The following PDE10A variants were observed in gnomAD, a reference collection of about 807,000 sequenced individuals.
The protein encoded by PDE10A is cAMP and cAMP-inhibited cGMP 3',5'-cyclic phosphodiesterase 10A.
A neutral mutation model predicts 97.7 loss-of-function variants in PDE10A; 39 were observed. The observed-to-expected ratio is 0.40, with a 90% CI of 0.31 to 0.52. PDE10A has a LOEUF of 0.52. PDE10A is among the 20% of genes least tolerant of loss of function. PDE10A has a pLI of 0.56. For missense variants in PDE10A, 731 were observed against 1,047.8 expected (o/e 0.70, Z 4.17); for synonymous variants, 371 against 376.8 (o/e 0.98, Z 0.18).
At chr6:165,932,775 G>A (rs1233613007) in intron 1 of PDE10A, among the ~76,000 whole-genome samples, 1 of 152,204 alleles carries the variant, frequency 6.6e-6, no homozygotes, top group Non-Finnish European at 1.5e-5. Flanking sequence ...CCCGGCCTGA[G>A]CTGAACTTTT....
At chr6:165,513,613 TG>T (rs1781629346) in intron 2 of PDE10A, among the ~76,000 whole-genome samples, 2 of 151,954 alleles carry the variant, frequency 1.3e-5, no homozygotes, top group African/African-American at 4.8e-5. Context: ...TTTGAAATTA[TG>T]GATCAATTTG....
intron 1 of PDE10A, among the ~76,000 whole-genome samples, chr6:165,913,934 G>A (rs1454179799): frequency 1.3e-5 from 2 of 152,160 alleles, no homozygotes; most frequent in Non-Finnish European, 2.9e-5. Flanking sequence ...GACTTCACGC[G>A]GCCTCCACAA....
At chr6:165,367,740 C>A (rs1391692884) in intron 18 of PDE10A, among the ~76,000 whole-genome samples, 1 of 150,412 alleles carries the variant, frequency 6.6e-6, no homozygotes, top group Non-Finnish European at 1.5e-5. Context: ...CCACTAAGAA[C>A]TCTAAGTCCA....
At chr6:165,815,567 G>C (rs1171755904) in intron 1 of PDE10A, among the ~76,000 whole-genome samples, 1 of 152,150 alleles carries the variant, frequency 6.6e-6, no homozygotes, top group East Asian at 1.9e-4. Context: ...CTTGGATGAA[G>C]GGGCAGAACT....
chr6:165,755,896 T>A (rs1236194332), intron 1 of PDE10A, among the ~76,000 whole-genome samples: 2 of 152,136 alleles, frequency 1.3e-5, no homozygotes, highest in Non-Finnish European at 2.9e-5. Flanking sequence ...GGCGTATATT[T>A]CCCTGCAATT....
At chr6:165,924,832 G>A (rs1048793410) in intron 1 of PDE10A, among the ~76,000 whole-genome samples, 1 of 152,164 alleles carries the variant, frequency 6.6e-6, no homozygotes, top group Non-Finnish European at 1.5e-5. Flanking sequence ...GTAAGCATAG[G>A]AGAAGATCTT....
At chr6:165,689,867 G>A (rs1791223668) in intron 1 of PDE10A, among the ~76,000 whole-genome samples, 1 of 152,182 alleles carries the variant, frequency 6.6e-6, no homozygotes, top group South Asian at 2.1e-4. Flanking sequence ...CTCAGAGAAT[G>A]TTCATACCCT....
At chr6:165,808,895 A>G (rs1327226173) in intron 1 of PDE10A, among the ~76,000 whole-genome samples, 1 of 152,232 alleles carries the variant, frequency 6.6e-6, no homozygotes, top group Non-Finnish European at 1.5e-5. Flanking sequence ...GAAGTAAAAG[A>G]GATCTTTCCT....
chr6:165,337,850 G>A (rs1286029710), intron 20 of PDE10A, among the ~76,000 whole-genome samples: 1 of 152,114 alleles, frequency 6.6e-6, no homozygotes, highest in Non-Finnish European at 1.5e-5. Flanking sequence ...AGAAATTGTA[G>A]ATCCCTATCT....
intron 1 of PDE10A, among the ~76,000 whole-genome samples, chr6:165,788,775 C>T (rs915761722): frequency 2.6e-5 from 4 of 152,030 alleles, no homozygotes; most frequent in Non-Finnish European, 5.9e-5. Flanking sequence ...ATTTTCTATT[C>T]CATAATCTAT....
chr6:165,985,691 G>A (rs1364269360), intron 1 of PDE10A, among the ~76,000 whole-genome samples: 1 of 152,018 alleles, frequency 6.6e-6, no homozygotes, highest in Non-Finnish European at 1.5e-5. Context: ...CTGCCCTCTG[G>A]ACACAGGTGT....
intron 1 of PDE10A, among the ~76,000 whole-genome samples, chr6:165,848,728 T>G (rs1780491743): frequency 1.3e-5 from 2 of 152,080 alleles, no homozygotes; most frequent in Admixed American, 1.3e-4. Context: ...ACCATGAAGA[T>G]GTCACCTTGC....
rs1269279777 is a variant in PDE10A, at chr6:165,418,931, T to C, written c.1654-154A>G. 1.3e-5 allele frequency among the ~76,000 whole-genome samples: 2 copies of C among 152,214 alleles called. No homozygotes were observed. The highest frequency in any genetic ancestry group is 4.8e-5 in the African/African-American group (2 of 41,452). On this transcript the variant is annotated intron_variant, in intron 10 of 21. Coordinates refer to ENST00000539869, the MANE Select transcript of PDE10A (RefSeq NM_001385079.1). This position sits in a 1 kb window ranked among gnomAD's most constrained non-coding sequence, Gnocchi z 4.8. Reference sequence around the variant, plus strand: ...GTAAATAAATATACAAGTATATAAATATTTCATATATATGATATAAAAGTC... The same window carrying C: ...GTAAATAAATATACAAGTATATAAACATTTCATATATATGATATAAAAGTC...
intron 1 of PDE10A, among the ~76,000 whole-genome samples, chr6:165,798,577 T>C (rs1462903335): frequency 1.3e-5 from 2 of 151,668 alleles, no homozygotes; most frequent in African/African-American, 2.4e-5. Context: ...AGGAGTATGG[T>C]TGGGGAGAGA....
chr6:165,519,099 A>T (rs1242613247), intron 2 of PDE10A, among the ~76,000 whole-genome samples: 3 of 152,236 alleles, frequency 2.0e-5, no homozygotes, highest in Non-Finnish European at 2.9e-5. Context: ...ATTTATAAAA[A>T]GAACATTTTC....
chr6:165,412,503 A>G (rs957619007), intron 13 of PDE10A, among the ~76,000 whole-genome samples: 4 of 152,206 alleles, frequency 2.6e-5, no homozygotes, highest in South Asian at 2.1e-4. Flanking sequence ...GTTTGAAGCA[A>G]AAGTGTTTGA....
chr6:165,333,210 T>C (rs549536662), intron 21 of PDE10A, 83 bp from the exon 22 acceptor site: 2 of 853,920 alleles, frequency 2.3e-6, no homozygotes, highest in South Asian at 2.8e-5. Context: ...AACAGTCCTG[T>C]GGCACAGCTC....
At chr6:165,645,586 T>A (rs1370238311) in intron 1 of PDE10A, among the ~76,000 whole-genome samples, 1 of 151,958 alleles carries the variant, frequency 6.6e-6, no homozygotes. Flanking sequence ...GGGCGCGGTG[T>A]CTCACGCCTG....
intron 3 of PDE10A, among the ~76,000 whole-genome samples, chr6:165,452,698 A>T (rs1791389849): frequency 6.6e-6 from 1 of 152,134 alleles, no homozygotes; most frequent in African/African-American, 2.4e-5. Flanking sequence ...AGTCTCAGAT[A>T]CTCTATTACA....
Sources: gnomAD v4.1 joint callset for allele counts (sites outside exome capture counted in the v4.1 genomes callset) on GRCh38, gnomAD v4.1.1 for gene constraint, Gnocchi (gnomAD v3.1) non-coding constraint, MANE v1.5 for transcripts, NCBI Gene and HGNC (gene_info 2026-07-23, HGNC 2026-07-21) for gene names.